The following UQCRFS1 variants were observed in gnomAD, a reference collection of about 807,000 sequenced individuals.
UQCRFS1 encodes cytochrome b-c1 complex subunit Rieske, mitochondrial.
In UQCRFS1, 6 loss-of-function variants were observed where a neutral mutation model predicts 15.6. The ratio of observed to expected loss-of-function variants is 0.38; its 90% confidence interval spans 0.21 to 0.76. UQCRFS1 has a LOEUF of 0.76. UQCRFS1 is among the 30% of genes least tolerant of loss of function. The pLI, the probability that UQCRFS1 is intolerant of heterozygous loss-of-function variation, is 0.44. For missense variants in UQCRFS1, 203 were observed against 366.7 expected, an observed-to-expected ratio of 0.55 and a Z score of 3.65; for synonymous variants, 105 against 154.3, an observed-to-expected ratio of 0.68 and a Z score of 2.37.
chr19:29,208,609 A>T (rs1017124409), intron 1 of UQCRFS1, among the ~76,000 whole-genome samples: 1 of 152,238 alleles, frequency 6.6e-6, no homozygotes, highest in Non-Finnish European at 1.5e-5. Context: ...TCTAGTCCAC[A>T]CAGTAAGTTG....
In UQCRFS1 at chr19:29,206,263, G is replaced by T. The variant is rs1245486536; in HGVS notation, c.*1285C>A. On this transcript the variant is annotated 3_prime_UTR_variant, in exon 2 of 2. Transcript: ENST00000304863. ...TCTAGAATGGTAAAAATGAAGCAAAGACTAGTATCTACTCATAAGCATAGA... is the reference window on the plus strand; with the variant it reads ...TCTAGAATGGTAAAAATGAAGCAAATACTAGTATCTACTCATAAGCATAGA... 1.3e-5 allele frequency: 2 copies of T among 152,168 alleles called. No individual in the cohort carries two copies. Among genetic ancestry groups the T allele is most frequent in the African/African-American group, 4.8e-5 (2 of 41,444 alleles). The allele number at this position is 152,168 out of a possible 1,614,324, so 9.4% of individuals were successfully genotyped here.
chr19:29,209,263 T>G (rs574249576), intron 1 of UQCRFS1, among the ~76,000 whole-genome samples: 16 of 152,286 alleles, frequency 1.1e-4, no homozygotes, highest in African/African-American at 2.4e-4. Flanking sequence ...GCCACAAAGT[T>G]TCCTTTTTAA....
intron 1 of UQCRFS1, 72 bp downstream of exon 1, chr19:29,212,833 T>G (rs1463300521): frequency 1.3e-5 from 17 of 1,324,632 alleles, no homozygotes; most frequent in Non-Finnish European, 9.6e-7. Context: ...CCGCGGCCGC[T>G]CCCTGCTGGG....
intron 1 of UQCRFS1, among the ~76,000 whole-genome samples, chr19:29,210,412 C>T (rs1976633257): frequency 6.6e-6 from 1 of 151,690 alleles, no homozygotes; most frequent in South Asian, 2.1e-4. Context: ...GCACAATGTG[C>T]AGGTTAGTTA....
chr19:29,208,012 T>C lies in UQCRFS1; in HGVS notation c.361A>G (p.Thr121Ala), dbSNP rs1248216527. 6.2e-7 allele frequency: 1 copy of C among 1,614,038 alleles called. No individual in the cohort carries two copies. The highest frequency in any genetic ancestry group is 1.1e-5 in the South Asian group (1 of 91,078). Residue 121 changes from threonine to alanine, a missense_variant, in exon 2 of 2, where the codon ACT (threonine) becomes GCT (alanine). Coordinates refer to ENST00000304863, the MANE Select transcript of UQCRFS1 (RefSeq NM_006003.3). Reference sequence around the variant, plus strand: ...GCAGCATATGCGACACCCACAGTAGTTACTCCAGTTACCAAATAGGAGAAA... The same window carrying C: ...GCAGCATATGCGACACCCACAGTAGCTACTCCAGTTACCAAATAGGAGAAA... ...KGFSYLVTGV[T>A]TVGVAYAAKN...
chr19:29,211,474 TG>T (rs1367848607), intron 1 of UQCRFS1, among the ~76,000 whole-genome samples: 1 of 152,224 alleles, frequency 6.6e-6, no homozygotes, highest in East Asian at 1.9e-4. Context: ...AACCCACTGA[TG>T]CTCCTTAACA....
intron 1 of UQCRFS1, among the ~76,000 whole-genome samples, chr19:29,209,262 T>C (rs980135119): frequency 5.3e-5 from 8 of 152,206 alleles, no homozygotes; most frequent in Non-Finnish European, 1.0e-4. Flanking sequence ...TGCCACAAAG[T>C]TTCCTTTTTA....
At chr19:29,208,434 G>A (rs1274185035) in intron 1 of UQCRFS1, among the ~76,000 whole-genome samples, 1 of 152,336 alleles carries the variant, frequency 6.6e-6, no homozygotes, top group South Asian at 2.1e-4. Flanking sequence ...GAACATTGCT[G>A]ATTCAGGATT....
intron 1 of UQCRFS1, among the ~76,000 whole-genome samples, chr19:29,211,915 G>C (rs921367238): frequency 6.6e-6 from 1 of 152,220 alleles, no homozygotes; most frequent in Admixed American, 6.5e-5. Context: ...ACAAACTGGA[G>C]AAGACCACTT....
At chr19:29,210,859 T>A (rs8113698) in intron 1 of UQCRFS1, among the ~76,000 whole-genome samples, 1 of 152,006 alleles carries the variant, frequency 6.6e-6, no homozygotes, top group Non-Finnish European at 1.5e-5. Flanking sequence ...ATTTATAGTC[T>A]TTTGGGTATA....
chr19:29,212,432 CG>C (rs1976665505), intron 1 of UQCRFS1, among the ~76,000 whole-genome samples: 1 of 150,910 alleles, frequency 6.6e-6, no homozygotes, highest in South Asian at 2.1e-4. Context: ...ATGAAGGGAT[CG>C]GTAGTGGTGA....
chr19:29,210,826 A>C (rs1372690978), intron 1 of UQCRFS1, among the ~76,000 whole-genome samples: 1 of 152,158 alleles, frequency 6.6e-6, no homozygotes, highest in South Asian at 2.1e-4. Flanking sequence ...ACATACATGT[A>C]AATGTGTCTT....
chr19:29,211,944 G>C (rs978289760), intron 1 of UQCRFS1, among the ~76,000 whole-genome samples: 1 of 152,170 alleles, frequency 6.6e-6, no homozygotes, highest in Non-Finnish European at 1.5e-5. Flanking sequence ...TGCGGGGGCG[G>C]CCACTACACA....
Position 29,212,923 on chromosome 19 carries a change from C to T in UQCRFS1, c.196G>A (p.Ala66Thr), listed in dbSNP as rs1219389225. Residue 66 changes from alanine to threonine, a missense_variant, in exon 1 of 2, where the codon GCC (alanine) becomes ACC (threonine). Ala to Thr is a moderately conservative substitution (Grantham distance 58). Around this residue, in one of 3 missense-constraint regions of UQCRFS1, gnomAD observed 92 missense variants for 120.5 expected, o/e 0.76. Coordinates refer to ENST00000304863, the MANE Select transcript of UQCRFS1 (RefSeq NM_006003.3). ...SGQAVRRPLV[A>T]SVGLNVPASV... ...GGCTCACCATTGAGGCCCACGGAGG[C>T]GACCAAAGGCCGGCGCACGGCCTGG... 5 of 1,417,472 alleles carry T rather than the reference C, an allele frequency of 3.5e-6. No individual in the cohort carries two copies. Among genetic ancestry groups the T allele is most frequent in the Non-Finnish European group, 3.6e-6 (4 of 1,098,348 alleles). The allele number at this position is 1,417,472 out of a possible 1,614,324, so 87.8% of individuals were successfully genotyped here. A position where few individuals can be genotyped will look rare whatever the true frequency, so the allele number is the denominator to read the frequency against.
chr19:29,212,975 G>T lies in UQCRFS1; in HGVS notation c.144C>A (p.Pro48=). The change falls in exon 1 of 2, where the codon CCC becomes CCA. Residue 48 remains proline, a synonymous_variant. Coordinates refer to ENST00000304863, the MANE Select transcript of UQCRFS1 (RefSeq NM_006003.3). ...PEQPVLDLKR[P]FLSRESLSGQ... is the part of the protein sequence containing the mutation. ...CGCTCAGCGACTCCCGGCTGAGGAA[G>T]GGCCGCTTCAGGTCCAACACAGGCT... The T allele has an allele frequency of 7.1e-7, 1 of 1,400,802 alleles. No homozygotes were observed. The highest frequency in any genetic ancestry group is 1.6e-5 in the South Asian group (1 of 64,082). 86.8% of individuals were successfully genotyped at this position (1,400,802 alleles called of 1,614,324 possible).
rs1206676261 is a variant in UQCRFS1 at position 29,207,447 on chromosome 19, C to T, written c.*101G>A. The T allele has an allele frequency of 1.5e-6, 2 of 1,302,246 alleles. No individual in the cohort carries two copies. Among genetic ancestry groups the T allele is most frequent in the Admixed American group, 5.6e-5 (2 of 35,720 alleles). The allele number at this position is 1,302,246 out of a possible 1,614,324, so 80.7% of individuals were successfully genotyped here. ...TTTGCAAATACATCATCAATTCTTA[C>T]ATATTTCAAATCAACTTCAAGTACA... On this transcript the variant is annotated 3_prime_UTR_variant, in exon 2 of 2. Coordinates refer to ENST00000304863, the MANE Select transcript of UQCRFS1 (RefSeq NM_006003.3).
Position 29,206,840 on chromosome 19 carries a change from G to C in UQCRFS1, c.*708C>G, listed in dbSNP as rs937849301. ...GAAATGGCAGAGCACTCTCATTTTGGAAAGTTTCTCTCAGGTAATATCCCA... is the reference window on the plus strand; with the variant it reads ...GAAATGGCAGAGCACTCTCATTTTGCAAAGTTTCTCTCAGGTAATATCCCA... On this transcript the variant is annotated 3_prime_UTR_variant, in exon 2 of 2. Coordinates refer to ENST00000304863, the MANE Select transcript of UQCRFS1 (RefSeq NM_006003.3). 5 of 152,272 alleles carry C rather than the reference G, an allele frequency of 3.3e-5. No homozygotes were observed. Among genetic ancestry groups the C allele is most frequent in the Middle Eastern group, 3.4e-3 (1 of 294 alleles). The allele number at this position is 152,272 out of a possible 1,614,324, so 9.4% of individuals were successfully genotyped here.
intron 1 of UQCRFS1, among the ~76,000 whole-genome samples, chr19:29,210,900 G>A (rs1976639617): frequency 6.6e-6 from 1 of 151,926 alleles, no homozygotes; most frequent in African/African-American, 2.4e-5. Context: ...GGGTCAAATG[G>A]TATTTCTAGT....
In UQCRFS1 at chr19:29,205,503, A is replaced by T. The variant is rs1299140809; in HGVS notation, c.*2045T>A. ...AAGGTATGCTCAGAAAGACCAAAGA[A>T]AATTTGATGTTATCTTTAACAAATA... On this transcript the variant is annotated 3_prime_UTR_variant, in exon 2 of 2. Coordinates refer to ENST00000304863, the MANE Select transcript of UQCRFS1 (RefSeq NM_006003.3). 6.6e-6 allele frequency: 1 copy of T among 152,220 alleles called. No individual in the cohort carries two copies. The highest frequency in any genetic ancestry group is 1.5e-5 in the Non-Finnish European group (1 of 68,040). 9.4% of individuals were successfully genotyped at this position (152,220 alleles called of 1,614,324 possible). A position where few individuals can be genotyped will look rare whatever the true frequency, so the allele number is the denominator to read the frequency against.
Sources: gnomAD v4.1 joint callset for allele counts (sites outside exome capture counted in the v4.1 genomes callset) on GRCh38, gnomAD v4.1.1 for gene constraint, gnomAD v4.1.1 regional missense constraint, MANE v1.5 for transcripts, NCBI Gene and HGNC (gene_info 2026-07-23, HGNC 2026-07-21) for gene names.